XRCC2: variants seen among roughly 807,000 people sequenced by gnomAD.
The protein encoded by XRCC2 is X-ray repair cross complementing 2, also known as DNA repair protein XRCC2.
XRCC2 carries 24 observed loss-of-function variants against 27.3 expected under a neutral mutation model. That is an observed-to-expected ratio of 0.88 (90% CI 0.64 to 1.24). XRCC2 has a LOEUF of 1.24. XRCC2 is among the 50% of genes most tolerant of loss of function. The pLI is 0.00. For synonymous variants in XRCC2, 106 were observed against 115.4 expected, an observed-to-expected ratio of 0.92 and a Z score of 0.52; for missense variants, 321 against 325.8, an observed-to-expected ratio of 0.99 and a Z score of 0.11.
intron 1 of XRCC2, among the ~76,000 whole-genome samples, chr7:152,662,663 C>T (rs2098033652): frequency 1.4e-5 from 2 of 146,010 alleles, no homozygotes; most frequent in East Asian, 2.0e-4. Context: ...AGCTCCGCCT[C>T]CCGGGTTCAC....
At chr7:152,654,765 T>C (rs1403721496) in intron 2 of XRCC2, among the ~76,000 whole-genome samples, 2 of 152,202 alleles carry the variant, frequency 1.3e-5, no homozygotes, top group Non-Finnish European at 2.9e-5. Context: ...AGAGATACTC[T>C]TTTTCTTTTA....
At chr7:152,654,868 T>C (rs1365727192) in intron 2 of XRCC2, among the ~76,000 whole-genome samples, 1 of 152,220 alleles carries the variant, frequency 6.6e-6, no homozygotes, top group Non-Finnish European at 1.5e-5. Flanking sequence ...ATCATTAAGG[T>C]CCTTGAACTA....
chr7:152,676,016 T>G (rs2098040907), intron 1 of XRCC2, 25 bp downstream of exon 1: 1 of 1,613,396 alleles, frequency 6.2e-7, no homozygotes, highest in Non-Finnish European at 8.5e-7. Context: ...CCCATCTCCC[T>G]CACTCCCAAC....
chr7:152,648,622 AGACTATTTTAT>A lies in XRCC2; in HGVS notation c.*9_*19del. ...TAAGGCTTGCGTAGTACCCTGCAAA[AGACTATTTTAT>A]GATGTATATCAACAAAATTCAACCC... On this transcript the variant is annotated 3_prime_UTR_variant, in exon 3 of 3. Coordinates refer to ENST00000359321, the MANE Select transcript of XRCC2 (RefSeq NM_005431.2). The A allele has an allele frequency of 6.4e-7, 1 of 1,566,006 alleles. No homozygotes were observed. The highest frequency in any genetic ancestry group is 8.6e-7 in the Non-Finnish European group (1 of 1,161,458).
chr7:152,666,646 C>A (rs2098035860), intron 1 of XRCC2, among the ~76,000 whole-genome samples: 1 of 147,730 alleles, frequency 6.8e-6, no homozygotes, highest in Non-Finnish European at 1.5e-5. Context: ...GAGACAGAGT[C>A]TCGCTTTGTC....
intron 1 of XRCC2, among the ~76,000 whole-genome samples, chr7:152,674,842 CT>C: frequency 7.1e-6 from 1 of 140,442 alleles, no homozygotes; most frequent in Non-Finnish European, 1.5e-5. Context: ...TGGTTCTACT[CT>C]TTAGGAACAG....
At chr7:152,660,313 AT>A (rs1256890214) in intron 2 of XRCC2, among the ~76,000 whole-genome samples, 1 of 152,200 alleles carries the variant, frequency 6.6e-6, no homozygotes, top group African/African-American at 2.4e-5. Flanking sequence ...AAGAAAAAAA[AT>A]CAACCTAAGC....
rs1563024693 is a variant in XRCC2, at chr7:152,646,299, AGGG to A, written c.*2340_*2342del. The A allele has an allele frequency of 4.2e-5, 1 of 23,584 alleles. No individual in the cohort carries two copies. The highest frequency in any genetic ancestry group is 8.6e-5 in the Non-Finnish European group (1 of 11,676). The allele number at this position is 23,584 out of a possible 1,614,324, so 1.5% of individuals were successfully genotyped here. A position where few individuals can be genotyped will look rare whatever the true frequency, so the allele number is the denominator to read the frequency against. On this transcript the variant is annotated 3_prime_UTR_variant, in exon 3 of 3. Transcript: ENST00000359321. Reference sequence around the variant, plus strand: ...TTGCCACGTATTCTAAGTCTGTGAGAGGGTGTGTGTGTGTGTGTGTGTGTGTGT... The same window carrying A: ...TTGCCACGTATTCTAAGTCTGTGAGATGTGTGTGTGTGTGTGTGTGTGTGT...
At chr7:152,661,729 C>A (rs539734321) in intron 1 of XRCC2, among the ~76,000 whole-genome samples, 1 of 152,318 alleles carries the variant, frequency 6.6e-6, no homozygotes, top group Non-Finnish European at 1.5e-5. Flanking sequence ...AGGGCTCAGA[C>A]GCCATGTTTG....
At chr7:152,661,617 A>G (rs893464162) in intron 1 of XRCC2, among the ~76,000 whole-genome samples, 5 of 152,194 alleles carry the variant, frequency 3.3e-5, no homozygotes, top group Admixed American at 2.6e-4. Context: ...AGCATTGTGC[A>G]TAGGGACACT....
intron 2 of XRCC2, among the ~76,000 whole-genome samples, chr7:152,650,312 T>C (rs934384747): frequency 6.6e-6 from 1 of 152,234 alleles, no homozygotes; most frequent in East Asian, 1.9e-4. Flanking sequence ...CTGGAAACCA[T>C]GTCCAGCTGC....
chr7:152,649,439 A>G, intron 2 of XRCC2, 76 bp from the exon 3 acceptor site: 1 of 1,484,290 alleles, frequency 6.7e-7, no homozygotes, highest in Non-Finnish European at 8.9e-7. Flanking sequence ...TCTGCAAAAA[A>G]GTTTAAAAAG....
At chr7:152,656,249 T>G (rs1207399276) in intron 2 of XRCC2, among the ~76,000 whole-genome samples, 2 of 152,078 alleles carry the variant, frequency 1.3e-5, no homozygotes, top group African/African-American at 4.8e-5. Flanking sequence ...TTCGGATGGG[T>G]GCAGTGGCTC....
At chr7:152,664,612 C>T (rs1362904192) in intron 1 of XRCC2, among the ~76,000 whole-genome samples, 1 of 152,184 alleles carries the variant, frequency 6.6e-6, no homozygotes, top group Non-Finnish European at 1.5e-5. Context: ...CACGGGCTCT[C>T]CTGGCTCTCA....
At chr7:152,672,852 C>G (rs1246231114) in intron 1 of XRCC2, among the ~76,000 whole-genome samples, 1 of 152,140 alleles carries the variant, frequency 6.6e-6, no homozygotes, top group African/African-American at 2.4e-5. Context: ...ACTGGACAGA[C>G]ACTTCCAATT....
At chr7:152,665,556 G>A (rs964395940) in intron 1 of XRCC2, among the ~76,000 whole-genome samples, 4 of 139,698 alleles carry the variant, frequency 2.9e-5, no homozygotes, top group Non-Finnish European at 6.0e-5. Flanking sequence ...ACAATGGCAC[G>A]ATGAGACTCA....
At chr7:152,670,477 G>C (rs960215567) in intron 1 of XRCC2, among the ~76,000 whole-genome samples, 9 of 152,180 alleles carry the variant, frequency 5.9e-5, no homozygotes, top group African/African-American at 2.2e-4. Context: ...GATAATTGAT[G>C]CAAACCTCTA....
chr7:152,650,427 A>G (rs1026284631), intron 2 of XRCC2, among the ~76,000 whole-genome samples: 1 of 152,252 alleles, frequency 6.6e-6, no homozygotes, highest in African/African-American at 2.4e-5. Flanking sequence ...GGACAGCACA[A>G]GTTAAATCAA....
At chr7:152,650,068 G>A (rs1377696057) in intron 2 of XRCC2, among the ~76,000 whole-genome samples, 1 of 152,176 alleles carries the variant, frequency 6.6e-6, no homozygotes, top group East Asian at 1.9e-4. Flanking sequence ...GCCTCCACCT[G>A]GGCAAGCCAC....
Sources: gnomAD v4.1 joint callset for allele counts (sites outside exome capture counted in the v4.1 genomes callset) on GRCh38, gnomAD v4.1.1 for gene constraint, MANE v1.5 for transcripts, NCBI Gene and HGNC (gene_info 2026-07-23, HGNC 2026-07-21) for gene names.